NXPH1: variants seen among roughly 807,000 people sequenced by gnomAD.
NXPH1 encodes the protein neurexophilin 1.
NXPH1 carries 5 observed loss-of-function variants against 23.7 expected under a neutral mutation model. The observed-to-expected ratio is 0.21, with a 90% CI of 0.11 to 0.44. The LOEUF (loss-of-function observed/expected upper bound fraction) is 0.44. Ranked by LOEUF, NXPH1 falls within the 20% of genes least tolerant of loss-of-function variation. The pLI, the probability that NXPH1 is intolerant of heterozygous loss-of-function variation, is 0.99. For synonymous variants in NXPH1, 144 were observed against 122.2 expected (o/e 1.18, Z -1.18); for missense variants, 324 against 321.6 (o/e 1.01, Z -0.06).
chr7:8,749,534 A>G (rs192882656), intron 2 of NXPH1, among the ~76,000 whole-genome samples: 1 of 152,332 alleles, frequency 6.6e-6, no homozygotes. Context: ...TGTCCCTGGA[A>G]CACAGCTATA....
intron 2 of NXPH1, among the ~76,000 whole-genome samples, chr7:8,511,431 G>A (rs1264949785): frequency 3.9e-5 from 6 of 152,162 alleles, no homozygotes; most frequent in South Asian, 2.1e-4. Flanking sequence ...TGCTGCATGC[G>A]GCCTGGGCTC....
chr7:8,630,788 C>A (rs1397826403), intron 2 of NXPH1, among the ~76,000 whole-genome samples: 2 of 151,976 alleles, frequency 1.3e-5, no homozygotes, highest in Non-Finnish European at 2.9e-5. Flanking sequence ...AACTTTTAAC[C>A]TTTAAGTTCA....
At chr7:8,656,124 T>A (rs1014599342) in intron 2 of NXPH1, among the ~76,000 whole-genome samples, 8 of 152,220 alleles carry the variant, frequency 5.3e-5, no homozygotes, top group African/African-American at 1.4e-4. Context: ...TTGGCTTCAG[T>A]TTATGTTTAC....
chr7:8,459,471 C>A (rs191884878), intron 2 of NXPH1, among the ~76,000 whole-genome samples: 242 of 152,218 alleles, frequency 1.6e-3, no homozygotes, highest in African/African-American at 5.6e-3. Flanking sequence ...GTAGAGAAAA[C>A]AACTTTGAGT....
intron 2 of NXPH1, among the ~76,000 whole-genome samples, chr7:8,539,796 G>C (rs1432000280): frequency 6.6e-6 from 1 of 151,666 alleles, no homozygotes; most frequent in East Asian, 1.9e-4. Context: ...GCATGATAAT[G>C]CTTATTGTTT....
chr7:8,606,962 T>TA (rs757217911), intron 2 of NXPH1, among the ~76,000 whole-genome samples: 189 of 152,316 alleles, frequency 1.2e-3, no homozygotes, highest in Non-Finnish European at 2.1e-3. Flanking sequence ...TTGCTTGATT[T>TA]CTGATGTTTT....
chr7:8,582,213 G>T (rs964671384), intron 2 of NXPH1, among the ~76,000 whole-genome samples: 1 of 152,212 alleles, frequency 6.6e-6, no homozygotes, highest in Non-Finnish European at 1.5e-5. Flanking sequence ...GAATCACAGA[G>T]CCCCAAAGAC....
At chr7:8,658,579 G>C (rs1301171299) in intron 2 of NXPH1, among the ~76,000 whole-genome samples, 1 of 152,134 alleles carries the variant, frequency 6.6e-6, no homozygotes. Context: ...ATTTAAAAAA[G>C]GTTTCTTATC....
At chr7:8,483,579 G>T (rs1817109786) in intron 2 of NXPH1, among the ~76,000 whole-genome samples, 1 of 152,106 alleles carries the variant, frequency 6.6e-6, no homozygotes, top group South Asian at 2.1e-4. Flanking sequence ...AAACGGCTGG[G>T]ATTACAGGCG....
At chr7:8,555,944 A>C (rs1156354211) in intron 2 of NXPH1, among the ~76,000 whole-genome samples, 1 of 151,860 alleles carries the variant, frequency 6.6e-6, no homozygotes, top group East Asian at 2.0e-4. Context: ...AAATGGATCT[A>C]GTTTAGACAG....
At chr7:8,671,328 C>G (rs556430405) in intron 2 of NXPH1, among the ~76,000 whole-genome samples, 1 of 152,242 alleles carries the variant, frequency 6.6e-6, no homozygotes, top group East Asian at 1.9e-4. Context: ...TTGAAGCTTT[C>G]TTGGACAGAT....
At chr7:8,623,404 A>G (rs558168416) in intron 2 of NXPH1, among the ~76,000 whole-genome samples, 1 of 152,170 alleles carries the variant, frequency 6.6e-6, no homozygotes, top group African/African-American at 2.4e-5. Context: ...TCAAGTAAAC[A>G]ATCAGACAAA....
At chr7:8,579,016 T>C (rs1425882004) in intron 2 of NXPH1, among the ~76,000 whole-genome samples, 1 of 152,198 alleles carries the variant, frequency 6.6e-6, no homozygotes, top group Non-Finnish European at 1.5e-5. Context: ...TGCTAGATGA[T>C]GCTAGAGAAG....
chr7:8,690,678 T>G (rs1333470070), intron 2 of NXPH1, among the ~76,000 whole-genome samples: 1 of 152,208 alleles, frequency 6.6e-6, no homozygotes, highest in Non-Finnish European at 1.5e-5. Context: ...CTATGGAAAT[T>G]GTAGTTTACC....
At chr7:8,689,639 A>C (rs1821197400) in intron 2 of NXPH1, among the ~76,000 whole-genome samples, 1 of 152,178 alleles carries the variant, frequency 6.6e-6, no homozygotes, top group Non-Finnish European at 1.5e-5. Context: ...ACAGGGAGTA[A>C]ATACAATAAC....
chr7:8,664,447 G>A (rs1399036401), intron 2 of NXPH1, among the ~76,000 whole-genome samples: 1 of 151,892 alleles, frequency 6.6e-6, no homozygotes, highest in Non-Finnish European at 1.5e-5. Context: ...TGCCTTGACT[G>A]GCATTTATTG....
At chr7:8,521,037 C>G (rs1817762919) in intron 2 of NXPH1, among the ~76,000 whole-genome samples, 1 of 152,156 alleles carries the variant, frequency 6.6e-6, no homozygotes, top group South Asian at 2.1e-4. Context: ...AGAGACATAA[C>G]TTGATCAGAT....
At chr7:8,509,359 C>A (rs746021888) in intron 2 of NXPH1, among the ~76,000 whole-genome samples, 1 of 152,062 alleles carries the variant, frequency 6.6e-6, no homozygotes, top group Admixed American at 6.6e-5. Flanking sequence ...AGGATAAACA[C>A]CTTGCTTTGG....
chr7:8,683,900 T>C (rs978421853), intron 2 of NXPH1, among the ~76,000 whole-genome samples: 1 of 152,072 alleles, frequency 6.6e-6, no homozygotes, highest in Non-Finnish European at 1.5e-5. Flanking sequence ...TGCTATAAAA[T>C]GATAATTATA....
Sources: gnomAD v4.1 joint callset for allele counts (sites outside exome capture counted in the v4.1 genomes callset) on GRCh38, gnomAD v4.1.1 for gene constraint, MANE v1.5 for transcripts, NCBI Gene and HGNC (gene_info 2026-07-23, HGNC 2026-07-21) for gene names.